Variants in PDE4D observed in about 807,000 individuals in gnomAD.
The protein encoded by PDE4D is phosphodiesterase 4D.
In PDE4D, 24 loss-of-function variants were observed where a neutral mutation model predicts 87.4. The observed-to-expected ratio is 0.27, with a 90% CI of 0.20 to 0.39. PDE4D has a LOEUF of 0.39. PDE4D is among the 10% of genes least tolerant of loss of function. The probability of loss-of-function intolerance (pLI) is 1.00; values close to 1 mark genes in which losing one functional copy is unlikely to be tolerated. For missense variants in PDE4D, 714 were observed against 1,041.0 expected (o/e 0.69, Z 4.32); for synonymous variants, 384 against 383.2 (o/e 1.00, Z -0.02).
At chr5:59,239,011 T>G (rs1427803866) in intron 1 of PDE4D, among the ~76,000 whole-genome samples, 1 of 152,168 alleles carries the variant, frequency 6.6e-6, no homozygotes, top group Non-Finnish European at 1.5e-5. Context: ...GGTATTCTTG[T>G]TACCAAAATA....
chr5:60,373,351 T>G (rs1583560659), intron 1 of PDE4D, among the ~76,000 whole-genome samples: 1 of 152,166 alleles, frequency 6.6e-6, no homozygotes, highest in African/African-American at 2.4e-5. Flanking sequence ...TCAGCCACAC[T>G]CCCCTGCCCC....
rs116583492 is a variant in PDE4D, at chr5:60,386,709, C to T, written c.-90+101233G>A. Among the ~76,000 whole-genome samples the T allele has an allele frequency of 8.1e-3, 1,239 of 152,230 alleles. 10 individuals are homozygous for T. The highest frequency in any genetic ancestry group is 0.027 in the African/African-American group (1,141 of 41,516). On this transcript the variant is annotated intron_variant, in intron 1 of 16. Transcript: ENST00000502484. ...CCCAAACCTGAATAATGATTAAATTCGGATTCTGGGAACTTCCTGGAGACA... is the reference window on the plus strand; with the variant it reads ...CCCAAACCTGAATAATGATTAAATTTGGATTCTGGGAACTTCCTGGAGACA...
chr5:59,800,166 T>C (rs1236382294), intron 1 of PDE4D, among the ~76,000 whole-genome samples: 1 of 152,100 alleles, frequency 6.6e-6, no homozygotes, highest in Non-Finnish European at 1.5e-5. Flanking sequence ...CCTCAGCCAC[T>C]GGGGAAACAG....
At chr5:59,501,215 AGTT>A (rs1367743850) in intron 1 of PDE4D, among the ~76,000 whole-genome samples, 2 of 152,146 alleles carry the variant, frequency 1.3e-5, no homozygotes, top group Non-Finnish European at 2.9e-5. Flanking sequence ...CTTAGTTTTT[AGTT>A]GTTGTGTAGC....
rs551333296 is a variant in PDE4D at position 59,374,252 on chromosome 5, G to T, written c.456-158284C>A. On this transcript the variant is annotated intron_variant, in intron 1 of 14. Coordinates refer to ENST00000340635, the MANE Select transcript of PDE4D (RefSeq NM_001104631.2). ...AGTGGCAAGCTGGATAAAGAATCGA[G>T]ACTCACTGGTATGCTGTCTTCAAGA... Among the ~76,000 whole-genome samples, 12 of 152,194 alleles carry T rather than the reference G, an allele frequency of 7.9e-5. No individual in the cohort carries two copies. In the South Asian group the frequency reaches 2.5e-3, roughly 32 times the overall value.
At chr5:59,608,988 T>A (rs2150060117) in intron 1 of PDE4D, among the ~76,000 whole-genome samples, 1 of 152,228 alleles carries the variant, frequency 6.6e-6, no homozygotes, top group Non-Finnish European at 1.5e-5. Flanking sequence ...GAGTTGAGGC[T>A]TTCCAACAAC....
chr5:59,266,130 T>C (rs1012844547), intron 1 of PDE4D, among the ~76,000 whole-genome samples: 4 of 151,928 alleles, frequency 2.6e-5, no homozygotes, highest in Non-Finnish European at 4.4e-5. Flanking sequence ...GGCATGGTGG[T>C]GTATGCCTGT....
intron 1 of PDE4D, among the ~76,000 whole-genome samples, chr5:59,605,120 G>T (rs982896197): frequency 1.3e-5 from 2 of 152,014 alleles, no homozygotes; most frequent in African/African-American, 4.8e-5. Context: ...AGGGTTGAAG[G>T]TGCTTAAAAC....
intron 2 of PDE4D, among the ~76,000 whole-genome samples, chr5:60,095,558 A>G (rs1775592308): frequency 6.6e-6 from 1 of 152,184 alleles, no homozygotes; most frequent in Non-Finnish European, 1.5e-5. Context: ...TCCTTTGGAT[A>G]TATACCCAGT....
intron 1 of PDE4D, among the ~76,000 whole-genome samples, chr5:60,446,340 A>T (rs1362491225): frequency 6.6e-6 from 1 of 152,208 alleles, no homozygotes; most frequent in Non-Finnish European, 1.5e-5. Context: ...AATAATTTTT[A>T]CAGTAGCAAA....
intron 1 of PDE4D, among the ~76,000 whole-genome samples, chr5:59,322,352 A>T (rs1380255156): frequency 6.6e-6 from 1 of 152,156 alleles, no homozygotes. Flanking sequence ...AAGGCAACTA[A>T]TCATGAAATG....
chr5:59,670,473 G>A (rs1033019615), intron 1 of PDE4D, among the ~76,000 whole-genome samples: 3 of 152,086 alleles, frequency 2.0e-5, no homozygotes, highest in Admixed American at 6.5e-5. Context: ...TTTCACGTAC[G>A]AAAGCATTTT....
chr5:59,125,700 C>T (rs577740880), intron 5 of PDE4D, among the ~76,000 whole-genome samples: 9 of 152,152 alleles, frequency 5.9e-5, no homozygotes, highest in Non-Finnish European at 7.4e-5. Flanking sequence ...GAGAGCAATT[C>T]GAATCATAGA....
rs186499351 is a variant in PDE4D at position 59,687,981 on chromosome 5, C to T, written c.455+205187G>A. Among the ~76,000 whole-genome samples the T allele has an allele frequency of 6.2e-4, 94 of 152,244 alleles. 1 individual carries two copies. The highest frequency in any genetic ancestry group is 2.0e-3 in the African/African-American group (83 of 41,556). ...TCAAAAGAGACAAAGAAGGCCATTA[C>T]GTAATGGTAAAGGGATCAATTCAAC... On this transcript the variant is annotated intron_variant, in intron 1 of 14. Coordinates refer to ENST00000340635, the MANE Select transcript of PDE4D (RefSeq NM_001104631.2).
At chr5:59,303,476 C>G (rs1045304812) in intron 1 of PDE4D, among the ~76,000 whole-genome samples, 1 of 152,110 alleles carries the variant, frequency 6.6e-6, no homozygotes, top group Non-Finnish European at 1.5e-5. Flanking sequence ...AAGCCAATGT[C>G]TAGAAGGGTT....
Position 59,972,935 on chromosome 5 carries a change from C to T in PDE4D, c.272+15553G>A, listed in dbSNP as rs187634043. On this transcript the variant is annotated intron_variant, in intron 3 of 16. Coordinates refer to the PDE4D transcript ENST00000502484. ...TCACTGAGATGAATACTTAGTTTCA[C>T]TTGGTTCTGCTGGTGATCTTTTTTG... 2.1e-3 allele frequency among the ~76,000 whole-genome samples: 314 copies of T among 152,220 alleles called. 1 individual carries two copies. Among genetic ancestry groups the T allele is most frequent in the African/African-American group, 7.3e-3 (305 of 41,546 alleles).
In PDE4D at chr5:59,157,226, C is replaced by A. The variant is rs867244509; in HGVS notation, c.808+23369G>T. The A allele has an allele frequency of 1.4e-4, 93 of 685,688 alleles. 1 individual carries two copies. In the Middle Eastern group the frequency reaches 1.6e-3, roughly 12 times the overall value. The allele number at this position is 685,688 out of a possible 1,614,324, so 42.5% of individuals were successfully genotyped here. ...AGCATAAAATGGTTAAAACTGAAGC[C>A]TAGTAAATCACTTGTATTGCATTGT... is the stretch of plus-strand genomic sequence containing the variant. On this transcript the variant is annotated intron_variant, in intron 5 of 14. Coordinates refer to ENST00000340635, the MANE Select transcript of PDE4D (RefSeq NM_001104631.2).
intron 1 of PDE4D, among the ~76,000 whole-genome samples, chr5:59,413,412 C>G (rs970931487): frequency 1.4e-5 from 2 of 140,666 alleles, no homozygotes; most frequent in African/African-American, 2.8e-5. Context: ...GAGCCGAGAT[C>G]GCGCCACTAC....
At chr5:59,455,774 G>A (rs761876030) in intron 1 of PDE4D, among the ~76,000 whole-genome samples, 3 of 152,170 alleles carry the variant, frequency 2.0e-5, no homozygotes, top group African/African-American at 4.8e-5. Context: ...GGGTGGAGCC[G>A]CCCAAGACCA....
Sources: allele counts gnomAD v4.1 joint callset (sites outside exome capture counted in the v4.1 genomes callset), GRCh38; gene constraint gnomAD v4.1.1; transcripts MANE v1.5; gene names NCBI Gene and HGNC (gene_info 2026-07-23, HGNC 2026-07-21).